Variants in PHYKPL observed in about 807,000 individuals in gnomAD.
PHYKPL encodes the protein 5-phosphohydroxy-L-lysine phospho-lyase.
A neutral mutation model predicts 51.3 loss-of-function variants in PHYKPL; 42 were observed. The ratio of observed to expected loss-of-function variants is 0.82; its 90% CI spans 0.64 to 1.06. The LOEUF (loss-of-function observed/expected upper bound fraction) is 1.06, where lower values mean the gene tolerates loss of function less well. PHYKPL is among the 50% of genes least tolerant of loss of function. The pLI is 0.00. For synonymous variants in PHYKPL, 264 were observed against 236.0 expected (o/e 1.12, Z -1.09); for missense variants, 655 against 586.6 (o/e 1.12, Z -1.20).
intron 1 of PHYKPL, 64 bp downstream of exon 1, chr5:178,232,409 AGTGCGTGCGTGCGTGCGTC>A (rs1488346155): frequency 1.3e-5 from 18 of 1,345,014 alleles, no homozygotes; most frequent in East Asian, 6.4e-5. Flanking sequence ...GCGCGTGCGT[AGTGCGTGCGTGCGTGCGTC>A]GTGCGTGCGC....
At chr5:178,226,540 A>C (rs1287400649) in intron 3 of PHYKPL, 2 of 152,218 alleles carry the variant, frequency 1.3e-5, no homozygotes, top group African/African-American at 4.8e-5. Context: ...GTATGAAGGA[A>C]GGGCATGGAG....
At chr5:178,232,459 G>A (rs1465934357) in intron 1 of PHYKPL, 33 bp downstream of exon 1, 3 of 1,372,922 alleles carry the variant, frequency 2.2e-6, no homozygotes, top group Non-Finnish European at 2.8e-6. Context: ...GCGCAGCCCC[G>A]CGCCCCCCGC....
rs918915227 is a variant in PHYKPL, at chr5:178,208,692, C to T, written c.*255G>A. ...CAGGAGCACTTTAAAGTATCCCACCCTACCCCATTCCACCCCCAGTGGACA... is the reference window on the plus strand; with the variant it reads ...CAGGAGCACTTTAAAGTATCCCACCTTACCCCATTCCACCCCCAGTGGACA... On this transcript the variant is annotated 3_prime_UTR_variant, in exon 13 of 13. Coordinates refer to ENST00000308158, the MANE Select transcript of PHYKPL (RefSeq NM_153373.4). The T allele has an allele frequency of 6.6e-6, 1 of 152,354 alleles. No homozygotes were observed. Among genetic ancestry groups the T allele is most frequent in the Admixed American group, 6.5e-5 (1 of 15,290 alleles). 9.4% of individuals were successfully genotyped at this position (152,354 alleles called of 1,614,324 possible).
At chr5:178,214,769 A>G in intron 10 of PHYKPL, 27 bp downstream of exon 10, 1 of 1,610,606 alleles carries the variant, frequency 6.2e-7, no homozygotes, top group Non-Finnish European at 8.5e-7. Context: ...CTACTCCAGG[A>G]AGCAACTTGT....
intron 12 of PHYKPL, chr5:178,210,067 C>A: frequency 6.3e-7 from 1 of 1,585,886 alleles, no homozygotes; most frequent in Non-Finnish European, 8.6e-7. Context: ...GGCAGGATTT[C>A]CTCCATCCTA....
At chr5:178,226,382 TGACC>T (rs1373251548) in intron 3 of PHYKPL, 1 of 152,256 alleles carries the variant, frequency 6.6e-6, no homozygotes, top group Non-Finnish European at 1.5e-5. Context: ...TTGGAACTTC[TGACC>T]GACTGGCTTC....
At chr5:178,219,616 A>T (rs1242775785) in intron 8 of PHYKPL, among the ~76,000 whole-genome samples, 3 of 151,642 alleles carry the variant, frequency 2.0e-5, no homozygotes, top group East Asian at 3.9e-4. Flanking sequence ...CGCCCGGCTA[A>T]TTTTTTCTAT....
intron 1 of PHYKPL, chr5:178,232,264 C>T (rs563940279): frequency 2.4e-6 from 3 of 1,233,188 alleles, no homozygotes; most frequent in African/African-American, 1.6e-5. Flanking sequence ...CTGGAGACGG[C>T]GCTGTCGGGG....
chr5:178,232,779 A>C lies in PHYKPL; in HGVS notation c.-229T>G. On this transcript the variant is annotated 5_prime_UTR_variant, in exon 1 of 13. Transcript: ENST00000308158. ...TGGTCGTGCCTTGGCAGTCCCGCGC[A>C]GGAACTCGAGCGCTGCCCCGTCTCT... 2.7e-6 allele frequency: 1 copy of C among 370,802 alleles called. No homozygotes were observed. The highest frequency in any genetic ancestry group is 4.4e-6 in the Non-Finnish European group (1 of 225,560). The allele number at this position is 370,802 out of a possible 1,614,324, so 23.0% of individuals were successfully genotyped here.
intron 12 of PHYKPL, chr5:178,210,969 A>G: frequency 3.6e-6 from 1 of 278,624 alleles, no homozygotes; most frequent in African/African-American, 2.2e-5. Context: ...AACCAGTGTC[A>G]CCTTTTTTTC....
At chr5:178,222,261 G>T in intron 8 of PHYKPL, 94 bp downstream of exon 8, 1 of 1,131,262 alleles carries the variant, frequency 8.8e-7, no homozygotes, top group Non-Finnish European at 1.3e-6. Flanking sequence ...TGGGCACAGT[G>T]CTAGCCCTGT....
At chr5:178,225,320 C>A in intron 4 of PHYKPL, 35 bp downstream of exon 4, 5 of 1,612,926 alleles carry the variant, frequency 3.1e-6, no homozygotes, top group Non-Finnish European at 4.2e-6. Flanking sequence ...GTGGGCCAGG[C>A]TTCTGGGAAC....
In PHYKPL at chr5:178,210,474, C is replaced by T. The variant is rs369733458; in HGVS notation, c.*31+1416G>A. ...TCTGCTGTCACGGCTGGTGAGGGTC[C>T]TGGGAAGATGCATATCAAGCGCGTG... On this transcript the variant is annotated intron_variant, in intron 12 of 12. Transcript: ENST00000308158. 10 of 1,510,662 alleles carry T rather than the reference C, an allele frequency of 6.6e-6. No individual in the cohort carries two copies. The East Asian group carries it at 6.8e-5, about 10-fold the overall frequency. The allele number at this position is 1,510,662 out of a possible 1,614,324, so 93.6% of individuals were successfully genotyped here.
At chr5:178,224,601 G>C in intron 5 of PHYKPL, 37 bp from the exon 6 acceptor site, 1 of 1,614,078 alleles carries the variant, frequency 6.2e-7, no homozygotes, top group South Asian at 1.1e-5. Flanking sequence ...TCCGGGCTTG[G>C]GGACAGGCAC....
At chr5:178,210,150 A>G in intron 12 of PHYKPL, 1 of 1,614,120 alleles carries the variant, frequency 6.2e-7, no homozygotes, top group Non-Finnish European at 8.5e-7. Context: ...CAGAGTTGGA[A>G]TCAGGGCTAC....
chr5:178,209,455 G>T, intron 12 of PHYKPL: 1 of 1,610,312 alleles, frequency 6.2e-7, no homozygotes, highest in Non-Finnish European at 8.5e-7. Context: ...GAGGTGAGTG[G>T]AACGTGGATG....
At chr5:178,213,181 A>C (rs1022444746) in intron 10 of PHYKPL, 78 bp from the exon 11 acceptor site, 1 of 1,569,306 alleles carries the variant, frequency 6.4e-7, no homozygotes. Flanking sequence ...CCAGTGCTCC[A>C]GCCACACTGT....
Position 178,224,700 on chromosome 5 carries a change from A to G in PHYKPL, c.443T>C (p.Ile148Thr), listed in dbSNP as rs774518002. ...GCGGAACTTGTAGGGACTGATGTCA[A>G]TCAGGGAGCTCAGGTGGCCGTGATA... ...HAYHGHLSSLIDISPYKFRNL... is the reference protein window; with the variant it reads ...HAYHGHLSSLTDISPYKFRNL... The change falls in exon 5 of 13, where the codon ATT (isoleucine) becomes ACT (threonine). Residue 148 changes from isoleucine to threonine, a missense_variant. Transcript: ENST00000308158. The G allele has an allele frequency of 1.7e-5, 27 of 1,614,164 alleles. No individual in the cohort carries two copies. Among genetic ancestry groups the G allele is most frequent in the East Asian group, 2.2e-5 (1 of 44,866 alleles).
chr5:178,207,873 G>A (rs1276922822), downstream of PHYKPL, among the ~76,000 whole-genome samples: 5 of 151,792 alleles, frequency 3.3e-5, no homozygotes, highest in Non-Finnish European at 7.4e-5. Context: ...TGGCTCATAT[G>A]TTTTTTTAAA....
Sources: gnomAD v4.1 joint callset for allele counts (sites outside exome capture counted in the v4.1 genomes callset) on GRCh38, gnomAD v4.1.1 for gene constraint, MANE v1.5 for transcripts, NCBI Gene and HGNC (gene_info 2026-07-23, HGNC 2026-07-21) for gene names.